ARFGEF1: variants seen among roughly 807,000 people sequenced by gnomAD.
ARFGEF1 encodes ARF guanine nucleotide exchange factor 1, also known as brefeldin A-inhibited guanine nucleotide-exchange protein 1.
ARFGEF1 carries 42 observed loss-of-function variants against 231.0 expected under a neutral mutation model. The ratio of observed to expected loss-of-function variants is 0.18; its 90% confidence interval spans 0.14 to 0.24. The LOEUF (loss-of-function observed/expected upper bound fraction) is 0.24, where lower values mean the gene tolerates loss of function less well. ARFGEF1 is among the 10% of genes least tolerant of loss of function. The pLI is 1.00. For synonymous variants in ARFGEF1, 710 were observed against 732.3 expected (o/e 0.97, Z 0.49); for missense variants, 1,345 against 2,192.0 (o/e 0.61, Z 7.72).
intron 22 of ARFGEF1, among the ~76,000 whole-genome samples, chr8:67,236,365 AATAT>A (rs34297561): frequency 4.0e-3 from 116 of 28,950 alleles, no homozygotes; most frequent in South Asian, 5.2e-3. Context: ...AAAAAAAAAA[AATAT>A]ATATATATAT....
chr8:67,291,174 C>T (rs1414602656), intron 6 of ARFGEF1, among the ~76,000 whole-genome samples: 1 of 151,980 alleles, frequency 6.6e-6, no homozygotes, highest in African/African-American at 2.4e-5. Context: ...GGTAGTTTCA[C>T]AGAACAGCTA....
chr8:67,271,620 C>T (rs1805104494), intron 10 of ARFGEF1, 82 bp downstream of exon 10: 1 of 998,908 alleles, frequency 1.0e-6, no homozygotes, highest in Non-Finnish European at 1.5e-6. Context: ...TTCTGGAGAA[C>T]TTTGCAGTGT....
chr8:67,329,346 G>A (rs1341281312), intron 1 of ARFGEF1, among the ~76,000 whole-genome samples: 2 of 151,694 alleles, frequency 1.3e-5, no homozygotes, highest in East Asian at 1.9e-4. Context: ...TGGCTAACAC[G>A]GTGAAACCCC....
At position 67,217,260 on chromosome 8, in the gene ARFGEF1, C is replaced by T. The variant is rs117668882; in HGVS notation, c.4613+522G>A. On this transcript the variant is annotated intron_variant, in intron 32 of 38. Transcript: ENST00000262215. ...CGGAGGTTGTGGTGAGCCGAGATTG[C>T]GCCAATGCACTCCAGCCTGGTAAAC... 2.1e-3 allele frequency among the ~76,000 whole-genome samples: 320 copies of T among 149,688 alleles called. 9 individuals are homozygous for T. In the East Asian group the frequency reaches 0.056, roughly 26 times the overall value.
chr8:67,342,205 T>C (rs1808663175), intron 1 of ARFGEF1, among the ~76,000 whole-genome samples: 1 of 152,240 alleles, frequency 6.6e-6, no homozygotes, highest in Admixed American at 6.5e-5. Context: ...TTGTGTTAAA[T>C]GTTCTGGTCT....
rs769435264 is a variant in ARFGEF1, at chr8:67,217,926, A to C, written c.4475-6T>G. On this transcript the variant is annotated splice_region_variant and splice_polypyrimidine_tract_variant and intron_variant, in intron 31 of 38. Transcript: ENST00000262215. ...TCGCGCTAACTGCTCATTGTCTAGG[A>C]AAGAAAAGAGCAATTCATTTATATA... 1 of 1,613,554 alleles carries C rather than the reference A, an allele frequency of 6.2e-7. No homozygotes were observed. Among genetic ancestry groups the C allele is most frequent in the East Asian group, 2.2e-5 (1 of 44,848 alleles).
chr8:67,196,424 A>ATACT (rs748218928), downstream of ARFGEF1, among the ~76,000 whole-genome samples: 13 of 152,298 alleles, frequency 8.5e-5, no homozygotes, highest in East Asian at 2.5e-3. Context: ...TCAGTAAGTG[A>ATACT]TACTTCTAAA....
At chr8:67,316,062 G>A (rs1387299695) in intron 1 of ARFGEF1, among the ~76,000 whole-genome samples, 1 of 152,052 alleles carries the variant, frequency 6.6e-6, no homozygotes, top group Non-Finnish European at 1.5e-5. Context: ...CAATAAAATT[G>A]AAACTCCAAC....
intron 4 of ARFGEF1, 82 bp from the exon 5 acceptor site, chr8:67,296,692 C>T: frequency 1.7e-6 from 2 of 1,191,026 alleles, no homozygotes; most frequent in Non-Finnish European, 2.3e-6. Flanking sequence ...GCTCTGTCAC[C>T]CAGGCTGGAG....
chr8:67,292,927 G>A (rs1020166314), intron 5 of ARFGEF1, among the ~76,000 whole-genome samples: 1 of 151,934 alleles, frequency 6.6e-6, no homozygotes, highest in African/African-American at 2.4e-5. Context: ...AATATTCCAG[G>A]TTAGGTGGAA....
intron 18 of ARFGEF1, among the ~76,000 whole-genome samples, chr8:67,253,079 C>G (rs529239950): frequency 6.6e-6 from 1 of 152,226 alleles, no homozygotes; most frequent in Non-Finnish European, 1.5e-5. Flanking sequence ...ATACCATTTT[C>G]CATTAATCAC....
At chr8:67,257,623 G>T in intron 17 of ARFGEF1, 109 bp downstream of exon 17, 1 of 859,412 alleles carries the variant, frequency 1.2e-6, no homozygotes, top group Non-Finnish European at 1.9e-6. Flanking sequence ...CAAATATGGT[G>T]ACTGGTTTAA....
intron 35 of ARFGEF1, 147 bp downstream of exon 35, chr8:67,204,533 G>T: frequency 2.1e-6 from 2 of 957,744 alleles, no homozygotes; most frequent in African/African-American, 1.7e-5. Context: ...TTATTACCTT[G>T]TGATGGGATC....
At chr8:67,201,213 C>G (rs1356100645) in intron 37 of ARFGEF1, among the ~76,000 whole-genome samples, 1 of 152,158 alleles carries the variant, frequency 6.6e-6, no homozygotes, top group Non-Finnish European at 1.5e-5. Flanking sequence ...ATTAAAAAGG[C>G]CTATAAATGA....
intron 1 of ARFGEF1, among the ~76,000 whole-genome samples, chr8:67,340,725 A>G (rs1808586069): frequency 6.6e-6 from 1 of 152,226 alleles, no homozygotes; most frequent in African/African-American, 2.4e-5. Flanking sequence ...AAAATGCCTC[A>G]TACATCTCAA....
In ARFGEF1 at chr8:67,204,287, C is replaced by T. The variant is rs143774888; in HGVS notation, c.4959+393G>A. The stretch of plus-strand genomic sequence containing the variant: ...GTCCAAACAGTTAGAGGGCAATTCT[C>T]AGGTGTAATATCACTTGACCTATCC... On this transcript the variant is annotated intron_variant, in intron 35 of 38. Transcript: ENST00000262215. Among the ~76,000 whole-genome samples, 1,142 of 152,294 alleles carry T rather than the reference C, an allele frequency of 7.5e-3. 50 individuals are homozygous for T. Among genetic ancestry groups the T allele is most frequent in the East Asian group, 8.1e-3 (42 of 5,178 alleles).
chr8:67,184,282 G>C (rs1406746555), intron 5 of ARFGEF1, among the ~76,000 whole-genome samples: 1 of 152,142 alleles, frequency 6.6e-6, no homozygotes, highest in Non-Finnish European at 1.5e-5. Context: ...TAAATCCAAA[G>C]TAAGCAGAAG....
chr8:67,216,717 C>T, intron 32 of ARFGEF1, 55 bp from the exon 33 acceptor site: 1 of 1,390,782 alleles, frequency 7.2e-7, no homozygotes, highest in South Asian at 1.4e-5. Flanking sequence ...CATGCCACAT[C>T]CAGCATATTT....
chr8:67,222,261 ATGTATGTAT>A (rs1200654546), intron 29 of ARFGEF1, among the ~76,000 whole-genome samples: 7 of 136,926 alleles, frequency 5.1e-5, no homozygotes, highest in African/African-American at 1.6e-4. Context: ...GTATGTATGT[ATGTATGTAT>A]TTTTTTTTTT....
Sources: allele counts gnomAD v4.1 joint callset (sites outside exome capture counted in the v4.1 genomes callset), GRCh38; gene constraint gnomAD v4.1.1; transcripts MANE v1.5; gene names NCBI Gene and HGNC (gene_info 2026-07-23, HGNC 2026-07-21).